CPEB3: variants seen among roughly 807,000 people sequenced by gnomAD.
The protein encoded by CPEB3 is cytoplasmic polyadenylation element-binding protein 3.
Under a neutral mutation model 67.2 loss-of-function variants are expected in CPEB3, and 20 were observed. That is an observed-to-expected ratio of 0.30 (90% CI 0.21 to 0.43). CPEB3 has a LOEUF of 0.43. Ranked by LOEUF, CPEB3 falls within the 20% of genes least tolerant of loss-of-function variation. The pLI is 1.00. For missense variants in CPEB3, 746 were observed against 968.6 expected, an observed-to-expected ratio of 0.77 and a Z score of 3.05; for synonymous variants, 376 against 393.1, an observed-to-expected ratio of 0.96 and a Z score of 0.51.
At chr10:92,274,338 A>G (rs1000358557) in intron 1 of CPEB3, among the ~76,000 whole-genome samples, 39 of 152,198 alleles carry the variant, frequency 2.6e-4, no homozygotes, top group African/African-American at 9.4e-4. Flanking sequence ...ACTGCCTCAC[A>G]CATGGCTGCT....
At chr10:92,071,080 C>T (rs1842734816) in intron 9 of CPEB3, among the ~76,000 whole-genome samples, 1 of 144,756 alleles carries the variant, frequency 6.9e-6, no homozygotes, top group Admixed American at 6.7e-5. Flanking sequence ...TACACACACA[C>T]ACACACACAC....
At chr10:92,060,356 T>C (rs1842294108) in intron 9 of CPEB3, among the ~76,000 whole-genome samples, 1 of 152,008 alleles carries the variant, frequency 6.6e-6, no homozygotes, top group Admixed American at 6.6e-5. Flanking sequence ...TCTAAAAATA[T>C]ATATATAAAT....
chr10:92,280,477 T>C (rs1261201591), intron 1 of CPEB3, among the ~76,000 whole-genome samples: 1 of 150,676 alleles, frequency 6.6e-6, no homozygotes, highest in Non-Finnish European at 1.5e-5. Flanking sequence ...TCCCAATACT[T>C]TGGGAGGCTG....
At chr10:92,095,874 A>G (rs886836378) in intron 7 of CPEB3, among the ~76,000 whole-genome samples, 3 of 151,548 alleles carry the variant, frequency 2.0e-5, no homozygotes, top group African/African-American at 7.3e-5. Context: ...GCCAATCTCA[A>G]ATAGAAAACT....
At chr10:92,086,162 A>G (rs1043191154) in intron 8 of CPEB3, among the ~76,000 whole-genome samples, 1 of 152,218 alleles carries the variant, frequency 6.6e-6, no homozygotes, top group South Asian at 2.1e-4. Flanking sequence ...TCTATAATCC[A>G]TATTTCTTCT....
intron 1 of CPEB3, among the ~76,000 whole-genome samples, chr10:92,262,730 T>C (rs1852860236): frequency 6.6e-6 from 1 of 152,172 alleles, no homozygotes; most frequent in African/African-American, 2.4e-5. Context: ...CCCCATGTTC[T>C]CAATTTCTCA....
rs1318031234 is a variant in CPEB3 at position 92,120,605 on chromosome 10, A to G, written c.1454-9411T>C. ...TCAAAAAAAACAAAAAACAAAAAAC[A>G]AAAGAAAACAAACTGCTGTAAAGGA... is the stretch of plus-strand genomic sequence containing the variant. On this transcript the variant is annotated intron_variant, in intron 6 of 9. Coordinates refer to ENST00000265997, the MANE Select transcript of CPEB3 (RefSeq NM_014912.5). 2.0e-5 allele frequency among the ~76,000 whole-genome samples: 3 copies of G among 152,116 alleles called. No individual in the cohort carries two copies. In the East Asian group the frequency reaches 5.8e-4, roughly 29 times the overall value.
intron 1 of CPEB3, among the ~76,000 whole-genome samples, chr10:92,288,835 C>A (rs747001944): frequency 6.6e-6 from 1 of 152,170 alleles, no homozygotes; most frequent in African/African-American, 2.4e-5. Flanking sequence ...GGATAAAATT[C>A]TGTTTTTAAG....
At chr10:92,168,201 A>G (rs967346034) in intron 4 of CPEB3, among the ~76,000 whole-genome samples, 1 of 152,232 alleles carries the variant, frequency 6.6e-6, no homozygotes, top group Non-Finnish European at 1.5e-5. Flanking sequence ...TATTAGAAAC[A>G]TAAGAAAATA....
At chr10:92,113,684 C>A (rs2133517464) in intron 6 of CPEB3, among the ~76,000 whole-genome samples, 1 of 152,310 alleles carries the variant, frequency 6.6e-6, no homozygotes, top group South Asian at 2.1e-4. Flanking sequence ...ACATCACTGC[C>A]CACCCTCTGC....
At chr10:92,135,807 T>C (rs942473437) in intron 6 of CPEB3, among the ~76,000 whole-genome samples, 1 of 152,148 alleles carries the variant, frequency 6.6e-6, no homozygotes, top group Admixed American at 6.5e-5. Flanking sequence ...GTGGCACATA[T>C]ACACCATGGA....
At chr10:92,224,283 G>T (rs750200074) in intron 2 of CPEB3, among the ~76,000 whole-genome samples, 9 of 152,144 alleles carry the variant, frequency 5.9e-5, no homozygotes, top group Non-Finnish European at 1.3e-4. Flanking sequence ...TCCTGACAAA[G>T]ATATCCTAGA....
chr10:92,084,672 T>C (rs1240254053), intron 8 of CPEB3, among the ~76,000 whole-genome samples: 3 of 152,138 alleles, frequency 2.0e-5, no homozygotes, highest in Non-Finnish European at 4.4e-5. Flanking sequence ...CTCTGCCTCC[T>C]GGGTTCACAC....
At chr10:92,104,604 G>A (rs1394393761) in intron 7 of CPEB3, among the ~76,000 whole-genome samples, 1 of 151,832 alleles carries the variant, frequency 6.6e-6, no homozygotes, top group Admixed American at 6.6e-5. Context: ...AGCCAGGACG[G>A]TCTCGATCTC....
At chr10:92,143,761 C>G (rs969834647) in intron 5 of CPEB3, among the ~76,000 whole-genome samples, 28 of 152,274 alleles carry the variant, frequency 1.8e-4, no homozygotes, top group African/African-American at 6.7e-4. Context: ...GTACCACTCT[C>G]TCAGCCATGA....
chr10:92,192,322 T>C (rs985770262), intron 3 of CPEB3, among the ~76,000 whole-genome samples, 155 bp downstream of exon 3: 25 of 152,136 alleles, frequency 1.6e-4, no homozygotes, highest in African/African-American at 4.6e-4. Flanking sequence ...TGAACCCAGG[T>C]TAAAAAAAAT....
Position 92,091,900 on chromosome 10 carries a change from C to T in CPEB3, c.1617G>A (p.Met539Ile). Reference sequence around the variant, plus strand: ...TGGGGTCCAAAGGCTGAGAACCATCCATTACAAAGTCACTGTCACTTAGGT... The same window carrying T: ...TGGGGTCCAAAGGCTGAGAACCATCTATTACAAAGTCACTGTCACTTAGGT... ...PWNLSDSDFV[M>I]DGSQPLDPRK... is the part of the protein sequence containing the mutation. The change falls in exon 8 of 10, where the codon ATG becomes ATA. Residue 539 changes from methionine to isoleucine, a missense_variant. This residue lies in a region of CPEB3 where 103 missense variants were observed against 251.1 expected (regional missense o/e 0.41). Coordinates refer to ENST00000265997, the MANE Select transcript of CPEB3 (RefSeq NM_014912.5). 1 of 1,613,750 alleles carries T rather than the reference C, an allele frequency of 6.2e-7. No individual in the cohort carries two copies. The highest frequency in any genetic ancestry group is 8.5e-7 in the Non-Finnish European group (1 of 1,179,916).
intron 1 of CPEB3, among the ~76,000 whole-genome samples, chr10:92,260,573 T>C (rs1023324774): frequency 1.3e-5 from 2 of 151,714 alleles, no homozygotes; most frequent in Non-Finnish European, 2.9e-5. Flanking sequence ...AAAAAAATCA[T>C]TTGTCTTCAA....
rs536890296 is a variant in CPEB3, at chr10:92,053,732, G to A, written c.1870-1293C>T. Among the ~76,000 whole-genome samples the A allele has an allele frequency of 6.6e-5, 10 of 152,192 alleles. No individual in the cohort carries two copies. In the East Asian group the frequency reaches 1.4e-3, roughly 21 times the overall value. Reference sequence around the variant, plus strand: ...AATTTTTTGTATTTTTAGTAGAGACGGGGTTTCACTGTGTTAGCCAGGATG... The same window carrying A: ...AATTTTTTGTATTTTTAGTAGAGACAGGGTTTCACTGTGTTAGCCAGGATG... On this transcript the variant is annotated intron_variant, in intron 9 of 9. Transcript: ENST00000265997.
Sources: gnomAD v4.1 joint callset for allele counts (sites outside exome capture counted in the v4.1 genomes callset) on GRCh38, gnomAD v4.1.1 for gene constraint, gnomAD v4.1.1 regional missense constraint, MANE v1.5 for transcripts, NCBI Gene and HGNC (gene_info 2026-07-23, HGNC 2026-07-21) for gene names.